OLFML2A: variants seen among roughly 807,000 people sequenced by gnomAD.
The protein encoded by OLFML2A is olfactomedin-like protein 2A.
A neutral mutation model predicts 60.9 loss-of-function variants in OLFML2A; 47 were observed. That is an observed-to-expected ratio of 0.77 (90% CI 0.61 to 0.98). OLFML2A has a LOEUF of 0.98. Ranked by LOEUF, OLFML2A falls within the 50% of genes least tolerant of loss-of-function variation. The probability of loss-of-function intolerance (pLI) is 0.00; values close to 1 mark genes in which losing one functional copy is unlikely to be tolerated. For missense variants in OLFML2A, 922 were observed against 879.8 expected, an observed-to-expected ratio of 1.05 and a Z score of -0.61; for synonymous variants, 372 against 375.0, an observed-to-expected ratio of 0.99 and a Z score of 0.09.
rs1300039119 is a variant in OLFML2A at position 124,777,436 on chromosome 9, C to T, written c.90+76C>T. On this transcript the variant is annotated intron_variant, in intron 1 of 7. Coordinates refer to ENST00000373580, the MANE Select transcript of OLFML2A (RefSeq NM_182487.4). The surrounding 1 kb of genome is among the most constrained non-coding windows in gnomAD (Gnocchi z 6.2). ...GGGGCGCTGTGGCTGGGGTGCGGCC[C>T]GGGAGGGAGCCCGGGGCCAGGGCGG... 3.3e-6 allele frequency: 4 copies of T among 1,206,848 alleles called. No homozygotes were observed. Among genetic ancestry groups the T allele is most frequent in the Non-Finnish European group, 4.1e-6 (4 of 968,914 alleles). The allele number at this position is 1,206,848 out of a possible 1,614,324, so 74.8% of individuals were successfully genotyped here. A position where few individuals can be genotyped will look rare whatever the true frequency, so the allele number is the denominator to read the frequency against.
chr9:124,801,416 C>T lies in OLFML2A; in HGVS notation c.672C>T (p.Asp224=). 6.2e-7 allele frequency: 1 copy of T among 1,614,046 alleles called. No individual in the cohort carries two copies. The highest frequency in any genetic ancestry group is 8.5e-7 in the Non-Finnish European group (1 of 1,179,950). ...PATGTGSKAQ[D]TARGKGKDIS... ...CTGAGACTTCTCTTCCCTCCCAGGACACAGCTAGAGGAAAAGGCAAGGACA... is the reference window on the plus strand; with the variant it reads ...CTGAGACTTCTCTTCCCTCCCAGGATACAGCTAGAGGAAAAGGCAAGGACA... The change falls in exon 5 of 8, where the codon GAC becomes GAT. Residue 224 remains aspartate (D), a splice_region_variant and synonymous_variant. Transcript: ENST00000373580.
In OLFML2A at chr9:124,788,220, T is replaced by C. The variant is rs555049893; in HGVS notation, c.354+982T>C. Among the ~76,000 whole-genome samples the C allele has an allele frequency of 2.0e-5, 3 of 151,478 alleles. No homozygotes were observed. The South Asian group carries it at 6.3e-4, about 32-fold the overall frequency. On this transcript the variant is annotated intron_variant, in intron 2 of 7. Coordinates refer to ENST00000373580, the MANE Select transcript of OLFML2A (RefSeq NM_182487.4). ...AGGAGGCTGAGGCAGGAGAATCACT[T>C]GAACCCAGGAGGCAGAAGCTGCAGT...
intron 2 of OLFML2A, among the ~76,000 whole-genome samples, chr9:124,791,737 C>CAAAAAAAA (rs10553820): frequency 1.8e-3 from 131 of 74,694 alleles, no homozygotes; most frequent in Non-Finnish European, 2.3e-3. Flanking sequence ...GACTCTGTCT[C>CAAAAAAAA]AAAAAAAAAA....
In OLFML2A at chr9:124,800,842, G is replaced by A. The variant is rs144044504; in HGVS notation, c.670-572G>A. 6,480 of 1,418,066 alleles carry A rather than the reference G, an allele frequency of 4.6e-3. 29 individuals are homozygous for A. Among genetic ancestry groups the A allele is most frequent in the Admixed American group, 5.8e-3 (216 of 37,564 alleles). 87.8% of individuals were successfully genotyped at this position (1,418,066 alleles called of 1,614,324 possible). A position where few individuals can be genotyped will look rare whatever the true frequency, so the allele number is the denominator to read the frequency against. On this transcript the variant is annotated intron_variant, in intron 4 of 7. Coordinates refer to ENST00000373580, the MANE Select transcript of OLFML2A (RefSeq NM_182487.4). ...CATCGGAGGCATTTAAATAGGAAGT[G>A]AAAATAACAAAACACAAAAAGTTAG...
In OLFML2A at chr9:124,804,280, C is replaced by CA; in HGVS notation, c.1108dup (p.Thr370AsnfsTer27). On this transcript the variant is annotated frameshift_variant, in exon 6 of 8. Coordinates refer to ENST00000373580, the MANE Select transcript of OLFML2A (RefSeq NM_182487.4). LOFTEE classifies it high-confidence loss of function. The stretch of plus-strand genomic sequence containing the variant: ...ACCACCACCACCGCCACCACCACCC[C>CA]AACCCCCACCACCAGTCTCCTGCCC... 1 of 1,570,198 alleles carries CA rather than the reference C, an allele frequency of 6.4e-7. No individual in the cohort carries two copies. The highest frequency in any genetic ancestry group is 8.6e-7 in the Non-Finnish European group (1 of 1,158,036).
In OLFML2A at chr9:124,809,040, G is replaced by A. The variant is rs141282486; in HGVS notation, c.1355-768G>A. On this transcript the variant is annotated intron_variant, in intron 7 of 7. Transcript: ENST00000373580. ...AAATTAGCTGGGTGTGGTGGCAGGC[G>A]CCTGTAATCCCAGCTACTTGGGAGG... 9.0e-3 allele frequency among the ~76,000 whole-genome samples: 1,363 copies of A among 151,794 alleles called. 56 individuals are homozygous for A. Among genetic ancestry groups the A allele is most frequent in the Admixed American group, 0.066 (1,007 of 15,230 alleles).
rs1841986099 is a variant in OLFML2A at position 124,810,339 on chromosome 9, A to G, written c.1886A>G (p.Asn629Ser). Residue 629 changes from asparagine (N) to serine (S), a missense_variant, in exon 8 of 8, where the codon AAC (asparagine) becomes AGC (serine). Transcript: ENST00000373580. ...EHAYTTQIDY[N>S]PKERVLYAWD... ...GCCTACACCACCCAGATCGACTACA[A>G]CCCCAAGGAGCGGGTGCTGTACGCC... 6.2e-7 allele frequency: 1 copy of G among 1,604,796 alleles called. No individual in the cohort carries two copies. Among genetic ancestry groups the G allele is most frequent in the East Asian group, 2.2e-5 (1 of 44,860 alleles).
At chr9:124,785,563 A>T (rs1442582172) in intron 1 of OLFML2A, among the ~76,000 whole-genome samples, 1 of 151,304 alleles carries the variant, frequency 6.6e-6, no homozygotes, top group Non-Finnish European at 1.5e-5. Flanking sequence ...ACGCCCGGCT[A>T]ATTTTTTGTA....
At chr9:124,797,260 C>T (rs763281938) in intron 3 of OLFML2A, among the ~76,000 whole-genome samples, 2 of 152,232 alleles carry the variant, frequency 1.3e-5, no homozygotes, top group East Asian at 1.9e-4. Context: ...GGATTACAGG[C>T]ATGAGCCACT....
In OLFML2A at chr9:124,777,206, G is replaced by T; in HGVS notation, c.-65G>T. The T allele has an allele frequency of 1.8e-6, 1 of 563,634 alleles. No individual in the cohort carries two copies. The highest frequency in any genetic ancestry group is 2.6e-6 in the Non-Finnish European group (1 of 386,576). The allele number at this position is 563,634 out of a possible 1,614,324, so 34.9% of individuals were successfully genotyped here. A position where few individuals can be genotyped will look rare whatever the true frequency, so the allele number is the denominator to read the frequency against. ...CAGAGCGGGCGAAGGCGCGGAGCTC[G>T]CAGTGCAGCCCGCGCTTCCCAGCGT... On this transcript the variant is annotated 5_prime_UTR_variant, in exon 1 of 8. Transcript: ENST00000373580. The surrounding 1 kb of genome is among the most constrained non-coding windows in gnomAD (Gnocchi z 6.2).
chr9:124,792,012 C>A (rs1267219195), intron 2 of OLFML2A, among the ~76,000 whole-genome samples: 1 of 152,156 alleles, frequency 6.6e-6, no homozygotes, highest in Non-Finnish European at 1.5e-5. Flanking sequence ...ACAGGCTGCT[C>A]CCTTTACTTC....
At chr9:124,785,121 T>C (rs1357235656) in intron 1 of OLFML2A, among the ~76,000 whole-genome samples, 19 of 151,086 alleles carry the variant, frequency 1.3e-4, no homozygotes, top group Admixed American at 1.3e-3. Context: ...GCCCACCTAA[T>C]TTTTGTATTT....
At chr9:124,778,815 C>CAAA in intron 1 of OLFML2A, 4 of 193,542 alleles carry the variant, frequency 2.1e-5, no homozygotes, top group African/African-American at 5.1e-5. Context: ...ACAAAACAAA[C>CAAA]AAAAAAAAAA....
chr9:124,777,849 G>A lies in OLFML2A; in HGVS notation c.90+489G>A, dbSNP rs1278894862. ...CAGGGACCGGGTGCACCCCCTGGAGGACTAGGTAGCTCCAGAAGTGGTCTG... is the reference window on the plus strand; with the variant it reads ...CAGGGACCGGGTGCACCCCCTGGAGAACTAGGTAGCTCCAGAAGTGGTCTG... On this transcript the variant is annotated intron_variant, in intron 1 of 7. Transcript: ENST00000373580. The surrounding 1 kb of genome is among the most constrained non-coding windows in gnomAD (Gnocchi z 6.2). Among the ~76,000 whole-genome samples, 2 of 152,192 alleles carry A rather than the reference G, an allele frequency of 1.3e-5. No individual in the cohort carries two copies. The highest frequency in any genetic ancestry group is 2.9e-5 in the Non-Finnish European group (2 of 68,018).
In OLFML2A at chr9:124,813,420, CAGTGGG is replaced by C. The variant is rs1192080700; in HGVS notation, c.*3011_*3016del. The C allele has an allele frequency of 6.6e-6, 1 of 152,258 alleles. No homozygotes were observed. The highest frequency in any genetic ancestry group is 2.4e-5 in the African/African-American group (1 of 41,472). The allele number at this position is 152,258 out of a possible 1,614,324, so 9.4% of individuals were successfully genotyped here. A position where few individuals can be genotyped will look rare whatever the true frequency, so the allele number is the denominator to read the frequency against. On this transcript the variant is annotated 3_prime_UTR_variant, in exon 8 of 8. Transcript: ENST00000373580. ...CGGGCGTATCCTTGCAGCCTCACAA[CAGTGGG>C]AGGTCTGTATCCTGAATGTCCTCAT...
In OLFML2A at chr9:124,779,809, ACAACCCCGCCTTCCTCTC is replaced by A. The variant is rs1342935784; in HGVS notation, c.90+2453_90+2470del. On this transcript the variant is annotated intron_variant, in intron 1 of 7. Coordinates refer to ENST00000373580, the MANE Select transcript of OLFML2A (RefSeq NM_182487.4). The surrounding 1 kb of genome is among the most constrained non-coding windows in gnomAD (Gnocchi z 4.1). ...ATTATCACTCGCTCCTTCCCCCATC[ACAACCCCGCCTTCCTCTC>A]CAAGCCCATTCCGTTTTCCCTGGGG... is the stretch of plus-strand genomic sequence containing the variant. Among the ~76,000 whole-genome samples, 5 of 152,192 alleles carry A rather than the reference ACAACCCCGCCTTCCTCTC, an allele frequency of 3.3e-5. No homozygotes were observed. The South Asian group carries it at 1.0e-3, about 31-fold the overall frequency.
rs1448906741 is a variant in OLFML2A, at chr9:124,777,244, G to T, written c.-27G>T. The T allele has an allele frequency of 4.2e-6, 4 of 962,032 alleles. No individual in the cohort carries two copies. Among genetic ancestry groups the T allele is most frequent in the Non-Finnish European group, 5.4e-6 (4 of 745,054 alleles). The allele number at this position is 962,032 out of a possible 1,614,324, so 59.6% of individuals were successfully genotyped here. On this transcript the variant is annotated 5_prime_UTR_variant, in exon 1 of 8. Transcript: ENST00000373580. The surrounding 1 kb of genome is among the most constrained non-coding windows in gnomAD (Gnocchi z 6.2). ...CGCTTCCCAGCGTCCGTGCCCGGCC[G>T]CCTGTGCCTACCGTGCCCGTGGCGC... is the stretch of plus-strand genomic sequence containing the variant.
rs780114840 is a variant in OLFML2A at position 124,810,313 on chromosome 9, C to T, written c.1860C>T (p.His620=). The change falls in exon 8 of 8, where the codon CAC becomes CAT. Residue 620 remains histidine (H), a synonymous_variant. Transcript: ENST00000373580. The stretch of plus-strand genomic sequence containing the variant: ...CCCAGCTGCCGTTCCTCAACGAGCA[C>T]GCCTACACCACCCAGATCGACTACA... ...ARPQLPFLNE[H]AYTTQIDYNP... is the part of the protein sequence containing the mutation. 13 of 1,607,526 alleles carry T rather than the reference C, an allele frequency of 8.1e-6. 1 individual carries two copies. Among genetic ancestry groups the T allele is most frequent in the East Asian group, 6.7e-5 (3 of 44,894 alleles).
chr9:124,804,126 C>G lies in OLFML2A; in HGVS notation c.952C>G (p.Gln318Glu). The G allele has an allele frequency of 6.2e-7, 1 of 1,614,108 alleles. No homozygotes were observed. The highest frequency in any genetic ancestry group is 8.5e-7 in the Non-Finnish European group (1 of 1,179,962). The change falls in exon 6 of 8, where the codon CAA becomes GAA. Residue 318 changes from glutamine to glutamate, a missense_variant. Transcript: ENST00000373580. ...NTLQGTSWLEQLPPKVEGRSN... is the reference protein window; with the variant it reads ...NTLQGTSWLEELPPKVEGRSN... ...CCTCCAGGGCACTTCCTGGCTGGAG[C>G]AACTGCCGCCCAAGGTGGAGGGCAG... is the stretch of plus-strand genomic sequence containing the variant.
Sources: gnomAD v4.1 joint callset for allele counts (sites outside exome capture counted in the v4.1 genomes callset) on GRCh38, gnomAD v4.1.1 for gene constraint, Gnocchi (gnomAD v3.1) non-coding constraint, MANE v1.5 for transcripts, NCBI Gene and HGNC (gene_info 2026-07-23, HGNC 2026-07-21) for gene names.